FSTL5: variants seen among roughly 807,000 people sequenced by gnomAD.
The protein encoded by FSTL5 is follistatin-related protein 5.
A neutral mutation model predicts 89.1 loss-of-function variants in FSTL5; 62 were observed. The observed-to-expected ratio is 0.70, with a 90% CI of 0.57 to 0.86. FSTL5 has a LOEUF of 0.86. Among genes scored for constraint, FSTL5 ranks in the 40% least tolerant of loss-of-function variants. The pLI is 0.00. For synonymous variants in FSTL5, 383 were observed against 346.2 expected (o/e 1.11, Z -1.18); for missense variants, 1,057 against 1,001.6 (o/e 1.06, Z -0.75).
At chr4:161,615,151 G>T (rs935254426) in intron 7 of FSTL5, among the ~76,000 whole-genome samples, 1 of 151,728 alleles carries the variant, frequency 6.6e-6, no homozygotes, top group Non-Finnish European at 1.5e-5. Context: ...AAAATTAGCC[G>T]GGTGTGGAAG....
chr4:161,705,952 GTATATA>G (rs1206067350), intron 6 of FSTL5, among the ~76,000 whole-genome samples: 4 of 30,658 alleles, frequency 1.3e-4, no homozygotes, highest in African/African-American at 4.4e-4. Flanking sequence ...GTAGATGTGT[GTATATA>G]TATATATATA....
At chr4:161,432,360 G>A (rs911306643) in intron 15 of FSTL5, among the ~76,000 whole-genome samples, 10 of 152,038 alleles carry the variant, frequency 6.6e-5, no homozygotes, top group Non-Finnish European at 4.4e-5. Context: ...AATGAGCAGC[G>A]AGTCAATGAA....
intron 7 of FSTL5, among the ~76,000 whole-genome samples, chr4:161,625,574 C>T (rs1336563705): frequency 6.6e-6 from 1 of 152,076 alleles, no homozygotes; most frequent in Non-Finnish European, 1.5e-5. Context: ...CCTCCCTATT[C>T]CCTAAGACAC....
At chr4:161,573,804 A>T (rs1438921813) in intron 8 of FSTL5, among the ~76,000 whole-genome samples, 1 of 151,828 alleles carries the variant, frequency 6.6e-6, no homozygotes, top group African/African-American at 2.4e-5. Context: ...AAAAGAAAGA[A>T]AACAAAAGAA....
intron 4 of FSTL5, among the ~76,000 whole-genome samples, chr4:161,865,197 G>T (rs888294934): frequency 6.6e-6 from 1 of 152,038 alleles, no homozygotes; most frequent in African/African-American, 2.4e-5. Context: ...ACAATGCTCA[G>T]AAGACAACCA....
intron 7 of FSTL5, among the ~76,000 whole-genome samples, chr4:161,631,831 A>C (rs1264549315): frequency 2.0e-5 from 3 of 152,190 alleles, no homozygotes; most frequent in African/African-American, 7.2e-5. Flanking sequence ...AAATAGTTTC[A>C]AATTTGCAAA....
At chr4:161,439,659 A>G (rs531452251) in intron 15 of FSTL5, among the ~76,000 whole-genome samples, 2 of 152,264 alleles carry the variant, frequency 1.3e-5, no homozygotes, top group East Asian at 3.9e-4. Context: ...ACAAGCATCA[A>G]GAATTAGAAT....
Position 161,454,998 on chromosome 4 carries a change from A to C in FSTL5, c.1841+6T>G. 6.2e-7 allele frequency: 1 copy of C among 1,612,846 alleles called. No individual in the cohort carries two copies. Among genetic ancestry groups the C allele is most frequent in the Non-Finnish European group, 8.5e-7 (1 of 1,179,234 alleles). ...TAAAAAGTTGATCACTCAACTTAGC[A>C]CTTACCTCATATGGGTGATAATGAG... On this transcript the variant is annotated splice_donor_region_variant and intron_variant, in intron 15 of 15. Transcript: ENST00000306100.
chr4:161,982,052 C>T (rs1382805291), intron 3 of FSTL5, among the ~76,000 whole-genome samples: 2 of 152,052 alleles, frequency 1.3e-5, no homozygotes, highest in African/African-American at 4.8e-5. Context: ...ATCTTAGAGC[C>T]CAATTTGTTA....
intron 3 of FSTL5, among the ~76,000 whole-genome samples, chr4:161,947,158 G>GTT (rs1734759982): frequency 6.6e-6 from 1 of 151,674 alleles, no homozygotes; most frequent in Non-Finnish European, 1.5e-5. Context: ...GTGTGTGTGT[G>GTT]TGTGCATCTT....
Position 161,705,950 on chromosome 4 carries a change from GTGTATA to G in FSTL5, c.728-49462_728-49457del, listed in dbSNP as rs1425755128. On this transcript the variant is annotated intron_variant, in intron 6 of 15. Transcript: ENST00000306100. ...CATATGCATGTGTGTGTGTAGATGT[GTGTATA>G]TATATATATATATATATATATATAT... Among the ~76,000 whole-genome samples the G allele has an allele frequency of 1.6e-3, 30 of 18,620 alleles. 4 individuals carry two copies. The highest frequency in any genetic ancestry group is 3.5e-3 in the African/African-American group (28 of 8,036). The allele number at this position is 18,620 out of a possible 152,430, so 12.2% of individuals were successfully genotyped here.
At chr4:161,411,244 G>C (rs1310759855) in intron 15 of FSTL5, among the ~76,000 whole-genome samples, 1 of 152,086 alleles carries the variant, frequency 6.6e-6, no homozygotes, top group Non-Finnish European at 1.5e-5. Flanking sequence ...CACAGCCAAA[G>C]TCTACCAGAT....
intron 4 of FSTL5, among the ~76,000 whole-genome samples, chr4:161,841,288 CAT>C (rs779763070): frequency 3.2e-4 from 49 of 152,182 alleles, no homozygotes; most frequent in African/African-American, 8.7e-4. Flanking sequence ...AAAGGAAAAC[CAT>C]ATGTTATTGT....
In FSTL5 at chr4:162,141,391, A is replaced by G. The variant is rs1384367633; in HGVS notation, c.-17+22224T>C. On this transcript the variant is annotated intron_variant, in intron 1 of 15. Coordinates refer to ENST00000306100, the MANE Select transcript of FSTL5 (RefSeq NM_020116.5). Reference sequence around the variant, plus strand: ...CGGCCTCCCAAAGTGCTGGGATTACAGGCGTGAGCCACCGCGCCCGGCCTC... The same window carrying G: ...CGGCCTCCCAAAGTGCTGGGATTACGGGCGTGAGCCACCGCGCCCGGCCTC... 2.3e-5 allele frequency among the ~76,000 whole-genome samples: 2 copies of G among 88,056 alleles called. 1 individual carries two copies. Among genetic ancestry groups the G allele is most frequent in the Non-Finnish European group, 5.3e-5 (2 of 37,468 alleles). 57.8% of individuals were successfully genotyped at this position (88,056 alleles called of 152,430 possible). A position where few individuals can be genotyped will look rare whatever the true frequency, so the allele number is the denominator to read the frequency against.
chr4:161,386,157 C>T lies in FSTL5; in HGVS notation c.2134G>A (p.Val712Met). Residue 712 changes from valine (V) to methionine (M), a missense_variant, in exon 16 of 16, where the codon GTG (valine) becomes ATG (methionine). Coordinates refer to ENST00000306100, the MANE Select transcript of FSTL5 (RefSeq NM_020116.5). ...TACTGAACCCTTACAAGACCTTTCA[C>T]ATCATTAATGCTGACAAGGTAGTGG... ...DGHYLVSIND[V>M]KGLVRVQYIT... 2.5e-6 allele frequency: 4 copies of T among 1,613,998 alleles called. No homozygotes were observed. The highest frequency in any genetic ancestry group is 1.1e-5 in the South Asian group (1 of 91,084).
chr4:161,980,231 A>G (rs1447917361), intron 3 of FSTL5, among the ~76,000 whole-genome samples: 3 of 149,234 alleles, frequency 2.0e-5, no homozygotes, highest in South Asian at 2.2e-4. Context: ...GAAGAAAGGA[A>G]GAAAGAAGAA....
intron 4 of FSTL5, among the ~76,000 whole-genome samples, chr4:161,894,458 A>C (rs182545783): frequency 1.2e-4 from 19 of 152,084 alleles, no homozygotes; most frequent in African/African-American, 4.6e-4. Flanking sequence ...AAATATACAG[A>C]TGTTTCTTTC....
intron 7 of FSTL5, among the ~76,000 whole-genome samples, chr4:161,629,348 A>AC (rs1554004156): frequency 7.3e-5 from 11 of 149,696 alleles, no homozygotes; most frequent in African/African-American, 2.0e-4. Context: ...AAATTAGATA[A>AC]TTTTTTTTTT....
chr4:161,463,089 C>G (rs1420062673), intron 13 of FSTL5, among the ~76,000 whole-genome samples: 1 of 151,932 alleles, frequency 6.6e-6, no homozygotes, highest in Admixed American at 6.6e-5. Flanking sequence ...AAATATTTTA[C>G]AGGAAGTGTC....
Sources: gnomAD v4.1 joint callset for allele counts (sites outside exome capture counted in the v4.1 genomes callset) on GRCh38, gnomAD v4.1.1 for gene constraint, MANE v1.5 for transcripts, NCBI Gene and HGNC (gene_info 2026-07-23, HGNC 2026-07-21) for gene names.